The following USP48 variants were observed in gnomAD, a reference collection of about 807,000 sequenced individuals.
USP48 encodes ubiquitin specific peptidase 48.
USP48 carries 43 observed loss-of-function variants against 150.7 expected under a neutral mutation model. The ratio of observed to expected loss-of-function variants is 0.29; its 90% CI spans 0.22 to 0.37. The LOEUF is 0.37. Ranked by LOEUF, USP48 falls within the 10% of genes least tolerant of loss-of-function variation. The pLI is 1.00. For synonymous variants in USP48, 396 were observed against 425.9 expected (o/e 0.93, Z 0.86); for missense variants, 813 against 1,249.6 (o/e 0.65, Z 5.27).
intron 7 of USP48, among the ~76,000 whole-genome samples, 185 bp downstream of exon 7, chr1:21,747,953 T>C (rs2097799391): frequency 6.6e-6 from 1 of 152,218 alleles, no homozygotes; most frequent in South Asian, 2.1e-4. Context: ...TATGGTTGGC[T>C]TCTTTAAAAT....
intron 19 of USP48, among the ~76,000 whole-genome samples, chr1:21,705,288 T>C (rs1241228969): frequency 6.6e-6 from 1 of 152,146 alleles, no homozygotes; most frequent in African/African-American, 2.4e-5. Context: ...TGGAATAAAA[T>C]TTGGGTTCTA....
At chr1:21,765,796 G>C (rs1283295425) in intron 1 of USP48, among the ~76,000 whole-genome samples, 1 of 150,008 alleles carries the variant, frequency 6.7e-6, no homozygotes, top group Admixed American at 6.7e-5. Context: ...TGAGGTGAGT[G>C]GATCACCTGA....
intron 1 of USP48, 63 bp from the exon 2 acceptor site, chr1:21,757,846 TTAAAAC>T: frequency 6.7e-7 from 1 of 1,502,546 alleles, no homozygotes; most frequent in Non-Finnish European, 8.9e-7. Context: ...GACAAACAAA[TTAAAAC>T]TAAAATGAGA....
At chr1:21,757,099 A>G (rs946480860) in intron 2 of USP48, 2 of 739,764 alleles carry the variant, frequency 2.7e-6, no homozygotes, top group African/African-American at 3.8e-5. Flanking sequence ...CTTCCTTTAT[A>G]TTCTAGAGAT....
In USP48 at chr1:21,715,469, A is replaced by G. The variant is rs1183539604; in HGVS notation, c.1895-12T>C. ...TTCCTTTGATTCATCTAATCAAAAG[A>G]AATACAAATGATATCTGCTGTGGTT... On this transcript the variant is annotated splice_polypyrimidine_tract_variant and intron_variant, in intron 14 of 26. Transcript: ENST00000308271. 1.3e-6 allele frequency: 2 copies of G among 1,520,656 alleles called. No homozygotes were observed. The highest frequency in any genetic ancestry group is 2.7e-5 in the African/African-American group (2 of 72,846). The allele number at this position is 1,520,656 out of a possible 1,614,324, so 94.2% of individuals were successfully genotyped here. A position where few individuals can be genotyped will look rare whatever the true frequency, so the allele number is the denominator to read the frequency against.
At chr1:21,726,689 G>A (rs1001795644) in intron 11 of USP48, 2 of 152,122 alleles carry the variant, frequency 1.3e-5, no homozygotes, top group South Asian at 4.1e-4. Context: ...TTCTGTTTGT[G>A]GCAAAGTTTT....
At chr1:21,719,000 C>CT (rs2097712188) in intron 14 of USP48, among the ~76,000 whole-genome samples, 1 of 152,062 alleles carries the variant, frequency 6.6e-6, no homozygotes. Flanking sequence ...GGTGCAGTAG[C>CT]TCACACCTGT....
At chr1:21,778,599 C>G (rs2097906136) in intron 1 of USP48, among the ~76,000 whole-genome samples, 1 of 25,062 alleles carries the variant, frequency 4.0e-5, no homozygotes, top group South Asian at 2.3e-3. Flanking sequence ...AGACCCTCAT[C>G]TTAAAAAAAA....
chr1:21,761,818 AAC>A (rs1260941309), intron 1 of USP48, among the ~76,000 whole-genome samples: 3 of 152,214 alleles, frequency 2.0e-5, no homozygotes, highest in African/African-American at 7.2e-5. Flanking sequence ...CCAATTTAAG[AAC>A]AGTTTTGTCA....
At chr1:21,709,138 A>G (rs1286235947) in intron 15 of USP48, among the ~76,000 whole-genome samples, 1 of 151,978 alleles carries the variant, frequency 6.6e-6, no homozygotes, top group African/African-American at 2.4e-5. Context: ...GTCCTACCTC[A>G]GCCTCCAGAA....
intron 19 of USP48, among the ~76,000 whole-genome samples, chr1:21,705,074 G>A (rs1280512905): frequency 6.6e-6 from 1 of 152,042 alleles, no homozygotes; most frequent in African/African-American, 2.4e-5. Flanking sequence ...TATAAACTTT[G>A]AACTCCCTTA....
chr1:21,697,638 G>A (rs1169235731), intron 22 of USP48, among the ~76,000 whole-genome samples: 2 of 149,630 alleles, frequency 1.3e-5, no homozygotes, highest in Non-Finnish European at 3.0e-5. Context: ...ACTCCAGCCT[G>A]GGCAACAGGG....
intron 9 of USP48, among the ~76,000 whole-genome samples, chr1:21,733,293 T>C (rs1353291667): frequency 6.6e-6 from 1 of 152,156 alleles, no homozygotes; most frequent in African/African-American, 2.4e-5. Context: ...GGCACGTGCC[T>C]GTAATCCTAG....
chr1:21,774,180 A>AAATAAT (rs57694769), intron 1 of USP48, among the ~76,000 whole-genome samples: 10,123 of 141,080 alleles, frequency 0.072, 505 homozygotes, highest in African/African-American at 0.14. Flanking sequence ...CTCCGTCTCA[A>AAATAAT]AATAATAATA....
chr1:21,769,093 A>G (rs1326954101), intron 1 of USP48, among the ~76,000 whole-genome samples: 2 of 152,166 alleles, frequency 1.3e-5, no homozygotes, highest in African/African-American at 2.4e-5. Flanking sequence ...AGACATGTTC[A>G]TGATTAGCAG....
At chr1:21,766,906 A>G (rs1342788981) in intron 1 of USP48, among the ~76,000 whole-genome samples, 5 of 152,050 alleles carry the variant, frequency 3.3e-5, no homozygotes, top group Non-Finnish European at 5.9e-5. Flanking sequence ...CTCTACTACA[A>G]ATACAAAAAT....
chr1:21,725,838 C>T (rs555800659), intron 11 of USP48, among the ~76,000 whole-genome samples: 7 of 152,028 alleles, frequency 4.6e-5, no homozygotes, highest in African/African-American at 1.7e-4. Flanking sequence ...TGGCTAATTA[C>T]ATTCAAAATG....
intron 1 of USP48, among the ~76,000 whole-genome samples, chr1:21,762,649 C>T (rs1029512406): frequency 7.9e-5 from 12 of 151,988 alleles, no homozygotes; most frequent in African/African-American, 1.4e-4. Context: ...GGGTGGATCA[C>T]GAGGTCAGGG....
intron 14 of USP48, among the ~76,000 whole-genome samples, chr1:21,715,746 A>G (rs1355493455): frequency 2.6e-5 from 4 of 152,240 alleles, no homozygotes; most frequent in Non-Finnish European, 5.9e-5. Flanking sequence ...TAGTCAAAGT[A>G]TCGAGAATAC....
Sources: gnomAD v4.1 joint callset for allele counts (sites outside exome capture counted in the v4.1 genomes callset) on GRCh38, gnomAD v4.1.1 for gene constraint, MANE v1.5 for transcripts, NCBI Gene and HGNC (gene_info 2026-07-23, HGNC 2026-07-21) for gene names.